IGF2BP1: variants seen among roughly 807,000 people sequenced by gnomAD.
IGF2BP1 encodes the protein insulin like growth factor 2 mRNA binding protein 1.
Under a neutral mutation model 74.9 loss-of-function variants are expected in IGF2BP1, and 11 were observed. The ratio of observed to expected loss-of-function variants is 0.15; its 90% CI spans 0.09 to 0.24. The LOEUF (loss-of-function observed/expected upper bound fraction) is 0.24. Among genes scored for constraint, IGF2BP1 ranks in the 10% least tolerant of loss-of-function variants. The pLI is 1.00. For synonymous variants in IGF2BP1, 287 were observed against 281.8 expected, an observed-to-expected ratio of 1.02 and a Z score of -0.18; for missense variants, 440 against 757.4, an observed-to-expected ratio of 0.58 and a Z score of 4.92.
intron 9 of IGF2BP1, 21 bp from the exon 10 acceptor site, chr17:49,043,404 TTCC>T (rs778332623): frequency 6.2e-7 from 1 of 1,613,004 alleles, no homozygotes; most frequent in African/African-American, 1.3e-5. Flanking sequence ...GTGCTGACTC[TTCC>T]TCCTCATCTT....
At chr17:49,019,930 ATATATATATATATATATATT>A (rs1415636374) in intron 2 of IGF2BP1, among the ~76,000 whole-genome samples, 708 of 64,088 alleles carry the variant, frequency 0.011, 16 homozygotes, top group Non-Finnish European at 0.016. Flanking sequence ...ATATATATAT[ATATATATATATATATATATT>A]TATATACACA....
At chr17:49,032,553 G>A (rs570368149) in intron 5 of IGF2BP1, among the ~76,000 whole-genome samples, 9 of 152,090 alleles carry the variant, frequency 5.9e-5, no homozygotes, top group African/African-American at 9.7e-5. Context: ...TACATTTTGC[G>A]CATTACTCAT....
At chr17:49,003,616 C>T (rs1015146338) in intron 2 of IGF2BP1, among the ~76,000 whole-genome samples, 9 of 152,034 alleles carry the variant, frequency 5.9e-5, no homozygotes, top group Non-Finnish European at 1.0e-4. Flanking sequence ...TGGTTCGTTC[C>T]CTATCCTCTT....
chr17:49,039,890 G>A (rs2042031213), intron 6 of IGF2BP1, 67 bp from the exon 7 acceptor site: 1 of 1,562,832 alleles, frequency 6.4e-7, no homozygotes, highest in African/African-American at 1.4e-5. Context: ...AGGGGTAGTG[G>A]GGTGGGGAGC....
rs71379326 is a variant in IGF2BP1 at position 49,027,668 on chromosome 17, C to T, written c.337+1151C>T. ...GAGATCGAGACCATCCTGGCTAACA[C>T]GGTGAAACCCTGTCTCTACTGAAAA... On this transcript the variant is annotated intron_variant, in intron 4 of 14. Coordinates refer to ENST00000290341, the MANE Select transcript of IGF2BP1 (RefSeq NM_006546.4). Among the ~76,000 whole-genome samples the T allele has an allele frequency of 5.2e-3, 783 of 150,848 alleles. 4 individuals are homozygous for T. Among genetic ancestry groups the T allele is most frequent in the African/African-American group, 0.018 (738 of 41,054 alleles).
At chr17:49,039,409 A>G (rs1384882837) in intron 6 of IGF2BP1, among the ~76,000 whole-genome samples, 1 of 151,902 alleles carries the variant, frequency 6.6e-6, no homozygotes, top group East Asian at 1.9e-4. Context: ...GTCCCCAACC[A>G]CTGCTTGCTT....
chr17:49,045,713 G>C (rs748141226), intron 12 of IGF2BP1, among the ~76,000 whole-genome samples, 177 bp from the exon 13 acceptor site: 5 of 152,220 alleles, frequency 3.3e-5, no homozygotes, highest in Non-Finnish European at 7.3e-5. Flanking sequence ...TAAGCAGAAG[G>C]AATGCTGACA....
intron 2 of IGF2BP1, among the ~76,000 whole-genome samples, chr17:49,015,147 A>G (rs902940998): frequency 6.6e-6 from 1 of 151,972 alleles, no homozygotes; most frequent in Non-Finnish European, 1.5e-5. Context: ...TAATTTTTGT[A>G]TTTTTAGTAG....
chr17:49,014,955 A>G (rs560082088), intron 2 of IGF2BP1: 1 of 984,910 alleles, frequency 1.0e-6, no homozygotes, highest in Non-Finnish European at 1.2e-6. Flanking sequence ...TCTGTTTTCA[A>G]GGTACCTCTC....
At chr17:49,032,004 G>T in intron 5 of IGF2BP1, 31 bp downstream of exon 5, 1 of 1,534,190 alleles carries the variant, frequency 6.5e-7, no homozygotes, top group Non-Finnish European at 9.0e-7. Context: ...GGCTGGGTGC[G>T]GTGGGGGGGG....
rs1302475634 is a variant in IGF2BP1, at chr17:49,055,931, A to G, written c.*6487A>G. Among the ~76,000 whole-genome samples the G allele has an allele frequency of 1.3e-5, 2 of 149,302 alleles. No homozygotes were observed. Among genetic ancestry groups the G allele is most frequent in the Non-Finnish European group, 3.0e-5 (2 of 67,758 alleles). Reference sequence around the variant, plus strand: ...GTATTTTACTGGAAATCTGCCAGCCATCACCACCCGATTTTGATTGTATCC... The same window carrying G: ...GTATTTTACTGGAAATCTGCCAGCCGTCACCACCCGATTTTGATTGTATCC... On this transcript the variant is annotated 3_prime_UTR_variant, in exon 15 of 15. Transcript: ENST00000290341.
chr17:48,999,068 T>A, intron 1 of IGF2BP1, 41 bp from the exon 2 acceptor site: 834 of 1,120,296 alleles, frequency 7.4e-4, no homozygotes, highest in Non-Finnish European at 1.1e-3. Context: ...CCCCAACCCC[T>A]GTTCAAGCTC....
At chr17:49,043,619 A>C (rs1349193671) in intron 10 of IGF2BP1, 69 bp downstream of exon 10, 6 of 1,563,168 alleles carry the variant, frequency 3.8e-6, no homozygotes, top group Middle Eastern at 1.7e-4. Context: ...GGGACTCAGC[A>C]TGCTCTGGGA....
intron 5 of IGF2BP1, among the ~76,000 whole-genome samples, chr17:49,034,736 C>CA (rs1254736118): frequency 3.3e-4 from 36 of 108,774 alleles, no homozygotes; most frequent in Middle Eastern, 4.4e-3. Flanking sequence ...GACCCTGTCT[C>CA]AAAAAAAACA....
rs1163800907 is a variant in IGF2BP1 at position 49,051,557 on chromosome 17, A to G, written c.*2113A>G. ...GCTCTCAGTGGTTAAACAATGCCCA[A>G]CAACCAACCAGCTGGCCCTTGGTCT... On this transcript the variant is annotated 3_prime_UTR_variant, in exon 15 of 15. Coordinates refer to ENST00000290341, the MANE Select transcript of IGF2BP1 (RefSeq NM_006546.4). The G allele has an allele frequency of 1.3e-5, 2 of 152,256 alleles. No homozygotes were observed. Among genetic ancestry groups the G allele is most frequent in the Admixed American group, 1.3e-4 (2 of 15,280 alleles). The allele number at this position is 152,256 out of a possible 1,614,324, so 9.4% of individuals were successfully genotyped here.
intron 2 of IGF2BP1, chr17:49,013,814 C>T (rs1343666446): frequency 6.6e-6 from 1 of 152,418 alleles, no homozygotes; most frequent in Non-Finnish European, 1.5e-5. Context: ...TCCCCTCCCC[C>T]TCGGGGCCCA....
intron 11 of IGF2BP1, 59 bp downstream of exon 11, chr17:49,044,145 C>G: frequency 1.9e-6 from 3 of 1,586,296 alleles, no homozygotes; most frequent in South Asian, 1.1e-5. Flanking sequence ...GCTTTTATCA[C>G]TCTGCACTTT....
At chr17:49,042,990 A>G (rs909117118) in intron 9 of IGF2BP1, among the ~76,000 whole-genome samples, 39 of 152,112 alleles carry the variant, frequency 2.6e-4, no homozygotes, top group Non-Finnish European at 8.8e-5. Context: ...AACTCATCTG[A>G]TTTTTAAAGG....
At chr17:48,998,438 G>T (rs1004015726) in intron 1 of IGF2BP1, among the ~76,000 whole-genome samples, 2 of 152,236 alleles carry the variant, frequency 1.3e-5, no homozygotes, top group African/African-American at 4.8e-5. Context: ...AAGGAAGGGG[G>T]TCTTGCCTCC....
Sources: gnomAD v4.1 joint callset for allele counts (sites outside exome capture counted in the v4.1 genomes callset) on GRCh38, gnomAD v4.1.1 for gene constraint, MANE v1.5 for transcripts, NCBI Gene and HGNC (gene_info 2026-07-23, HGNC 2026-07-21) for gene names.